CDC14B: variants seen among roughly 807,000 people sequenced by gnomAD.
The protein encoded by CDC14B is cell division cycle 14B, also known as dual specificity protein phosphatase CDC14B.
In CDC14B, 22 loss-of-function variants were observed where a neutral mutation model predicts 64.2. The observed-to-expected ratio is 0.34, with a 90% CI of 0.24 to 0.49. The LOEUF (loss-of-function observed/expected upper bound fraction) is 0.49. CDC14B is among the 20% of genes least tolerant of loss of function. The pLI is 0.99. For synonymous variants in CDC14B, 191 were observed against 215.8 expected (o/e 0.89, Z 1.01); for missense variants, 498 against 629.9 (o/e 0.79, Z 2.24).
rs370321471 is a variant in CDC14B at position 96,523,291 on chromosome 9, G to A, written c.1215C>T (p.Val405=). 8.7e-6 allele frequency: 14 copies of A among 1,613,880 alleles called. No individual in the cohort carries two copies. Among genetic ancestry groups the A allele is most frequent in the African/African-American group, 5.3e-5 (4 of 74,868 alleles). ...SGVDDISING[V]ENQDQQEPEP... ...CGGGTTCTTGCTGATCTTGATTCTC[G>A]ACCCCATTTATGGAAATGTCATCAA... Residue 405 remains valine (V), a synonymous_variant, in exon 11 of 14, where the codon GTC becomes GTT. Transcript: ENST00000375241.
chr9:96,582,584 T>TC (rs1024398979), intron 1 of CDC14B, among the ~76,000 whole-genome samples: 1 of 152,210 alleles, frequency 6.6e-6, no homozygotes, highest in African/African-American at 2.4e-5. Flanking sequence ...AATGACCCTG[T>TC]CTCCTTTGTT....
chr9:96,567,223 T>A (rs565990986), intron 1 of CDC14B: 1 of 204,156 alleles, frequency 4.9e-6, no homozygotes, highest in East Asian at 1.3e-4. Flanking sequence ...CTGGGAAAGC[T>A]CCTTAGCGAT....
At chr9:96,540,487 G>C (rs1236439009) in intron 6 of CDC14B, among the ~76,000 whole-genome samples, 1 of 151,654 alleles carries the variant, frequency 6.6e-6, no homozygotes, top group Non-Finnish European at 1.5e-5. Flanking sequence ...ATAAAAATTA[G>C]CTGAGCATAG....
At chr9:96,541,726 A>G (rs1840086715) in intron 6 of CDC14B, 100 bp downstream of exon 6, 1 of 721,086 alleles carries the variant, frequency 1.4e-6, no homozygotes, top group African/African-American at 1.8e-5. Context: ...GCATCTTGGA[A>G]GAAACACTAA....
chr9:96,570,742 C>T (rs759009051), intron 1 of CDC14B, among the ~76,000 whole-genome samples: 22 of 152,274 alleles, frequency 1.4e-4, no homozygotes, highest in African/African-American at 3.4e-4. Context: ...TTTAGTGTCG[C>T]GTATTGTATT....
At chr9:96,597,135 G>C (rs2118738494) in intron 1 of CDC14B, among the ~76,000 whole-genome samples, 1 of 152,188 alleles carries the variant, frequency 6.6e-6, no homozygotes, top group Middle Eastern at 3.4e-3. Flanking sequence ...AGAGAAAAAA[G>C]AAATATTACA....
At chr9:96,566,933 C>G in intron 1 of CDC14B, 1 of 1,508,726 alleles carries the variant, frequency 6.6e-7, no homozygotes, top group Non-Finnish European at 8.9e-7. Context: ...CCGCGCGGGG[C>G]AGCGGGCGCA....
At chr9:96,583,078 T>C (rs1474793060) in intron 1 of CDC14B, among the ~76,000 whole-genome samples, 1 of 152,194 alleles carries the variant, frequency 6.6e-6, no homozygotes, top group Non-Finnish European at 1.5e-5. Flanking sequence ...GTAGCTCTTC[T>C]GTTACGCATA....
intron 12 of CDC14B, among the ~76,000 whole-genome samples, chr9:96,518,803 T>C (rs113710568): frequency 0.017 from 2,533 of 152,278 alleles, 67 homozygotes; most frequent in African/African-American, 0.058. Flanking sequence ...GTCAGCATTA[T>C]AGATGGTTAC....
chr9:96,605,237 A>G (rs1846807289), intron 1 of CDC14B, among the ~76,000 whole-genome samples: 1 of 152,152 alleles, frequency 6.6e-6, no homozygotes, highest in Non-Finnish European at 1.5e-5. Flanking sequence ...AGAACCAGCC[A>G]TATCCCCTTC....
intron 9 of CDC14B, among the ~76,000 whole-genome samples, chr9:96,528,377 C>G (rs1385200328): frequency 2.0e-5 from 3 of 152,100 alleles, no homozygotes; most frequent in Non-Finnish European, 4.4e-5. Flanking sequence ...CAAAAATTAG[C>G]TGGATGTCAT....
At chr9:96,559,421 A>C (rs1055093800) in intron 4 of CDC14B, among the ~76,000 whole-genome samples, 8 of 152,186 alleles carry the variant, frequency 5.3e-5, no homozygotes, top group Admixed American at 2.0e-4. Flanking sequence ...AAAATTCCTG[A>C]CGACTCCAGA....
chr9:96,572,422 T>C (rs1844532688), intron 1 of CDC14B, among the ~76,000 whole-genome samples: 1 of 152,126 alleles, frequency 6.6e-6, no homozygotes, highest in Non-Finnish European at 1.5e-5. Flanking sequence ...CAGAATTGAA[T>C]AGGAGGACAC....
In CDC14B at chr9:96,581,720, T is replaced by C. The variant is rs1030021136; in HGVS notation, c.161-16237A>G. Among the ~76,000 whole-genome samples, 5 of 151,842 alleles carry C rather than the reference T, an allele frequency of 3.3e-5. No individual in the cohort carries two copies. The South Asian group carries it at 8.3e-4, about 25-fold the overall frequency. ...AGTGAAAATATATTCCTCTGGGGAG[T>C]GAGGGAAGGATGAGGAGGAAGCCTT... On this transcript the variant is annotated intron_variant, in intron 1 of 13. Transcript: ENST00000375241.
At chr9:96,591,797 G>A (rs1388710307) in intron 1 of CDC14B, among the ~76,000 whole-genome samples, 2 of 151,792 alleles carry the variant, frequency 1.3e-5, no homozygotes, top group African/African-American at 4.8e-5. Context: ...CCAGGCTGGA[G>A]TGCAGTGGCG....
intron 1 of CDC14B, among the ~76,000 whole-genome samples, chr9:96,600,565 C>T (rs773559302): frequency 6.6e-6 from 1 of 151,542 alleles, no homozygotes; most frequent in Non-Finnish European, 1.5e-5. Context: ...TGCAATGGTG[C>T]GATCTTGGCT....
rs5899295 is a variant in CDC14B, at chr9:96,603,155, G to GACACACACAC, written c.160+16054_160+16063dup. The stretch of plus-strand genomic sequence containing the variant: ...GGTGTCATTTGAGGTGATAGAAACG[G>GACACACACAC]ACACACACACACACACACACACACA... On this transcript the variant is annotated intron_variant, in intron 1 of 13. Coordinates refer to ENST00000375241, the MANE Select transcript of CDC14B (RefSeq NM_033331.4). 4.0e-3 allele frequency among the ~76,000 whole-genome samples: 558 copies of GACACACACAC among 138,128 alleles called. 3 individuals carry two copies. The highest frequency in any genetic ancestry group is 0.01 in the African/African-American group (386 of 38,452). 90.6% of individuals were successfully genotyped at this position (138,128 alleles called of 152,430 possible).
chr9:96,607,877 G>A (rs972711112), intron 1 of CDC14B, among the ~76,000 whole-genome samples: 3 of 152,152 alleles, frequency 2.0e-5, no homozygotes, highest in South Asian at 2.1e-4. Flanking sequence ...CAGGGGCAAC[G>A]GCTCTGCCAA....
chr9:96,495,540 C>T (rs1833208032), downstream of CDC14B, among the ~76,000 whole-genome samples: 4 of 152,288 alleles, frequency 2.6e-5, 1 homozygote, highest in African/African-American at 9.6e-5. Context: ...GTCAGAGCAA[C>T]AGTGAGGAAA....
Sources: allele counts gnomAD v4.1 joint callset (sites outside exome capture counted in the v4.1 genomes callset), GRCh38; gene constraint gnomAD v4.1.1; transcripts MANE v1.5; gene names NCBI Gene and HGNC (gene_info 2026-07-23, HGNC 2026-07-21).